The following RNF130 variants were observed in gnomAD, a reference collection of about 807,000 sequenced individuals.
RNF130 encodes the protein ring finger protein 130, also known as E3 ubiquitin-protein ligase RNF130.
Under a neutral mutation model 44.6 loss-of-function variants are expected in RNF130, and 21 were observed. The ratio of observed to expected loss-of-function variants is 0.47; its 90% CI spans 0.33 to 0.68. RNF130 has a LOEUF of 0.68. Ranked by LOEUF, RNF130 falls within the 30% of genes least tolerant of loss-of-function variation. The pLI is 0.02. For missense variants in RNF130, 479 were observed against 560.6 expected (o/e 0.85, Z 1.47); for synonymous variants, 214 against 210.4 (o/e 1.02, Z -0.15).
chr5:180,052,376 C>T (rs969233928), intron 1 of RNF130, among the ~76,000 whole-genome samples: 5 of 152,122 alleles, frequency 3.3e-5, no homozygotes, highest in South Asian at 2.1e-4. Context: ...ACACAAAGGA[C>T]GAAAATTCCT....
At chr5:179,928,026 C>T (rs995800524) in intron 7 of RNF130, among the ~76,000 whole-genome samples, 2 of 152,200 alleles carry the variant, frequency 1.3e-5, no homozygotes, top group Non-Finnish European at 2.9e-5. Context: ...GCAACAGTTC[C>T]TTCCTTTTCA....
At chr5:179,960,566 A>T (rs1762303908) in intron 8 of RNF130, among the ~76,000 whole-genome samples, 1 of 152,202 alleles carries the variant, frequency 6.6e-6, no homozygotes, top group African/African-American at 2.4e-5. Flanking sequence ...AGGGGGCCCT[A>T]GACCACCTGG....
At chr5:179,978,738 T>C (rs1415745496) in intron 4 of RNF130, among the ~76,000 whole-genome samples, 1 of 152,188 alleles carries the variant, frequency 6.6e-6, no homozygotes, top group African/African-American at 2.4e-5. Context: ...AGCAGACTGC[T>C]GTCTAGAAAC....
At chr5:179,922,335 CAG>C (rs1048470483) in intron 7 of RNF130, among the ~76,000 whole-genome samples, 4 of 151,886 alleles carry the variant, frequency 2.6e-5, no homozygotes, top group Admixed American at 2.0e-4. Context: ...TTTTTTGAGA[CAG>C]AGTCTTGCCC....
intron 8 of RNF130, among the ~76,000 whole-genome samples, chr5:179,959,700 TATAA>T (rs897934994): frequency 6.6e-6 from 1 of 152,172 alleles, no homozygotes; most frequent in Non-Finnish European, 1.5e-5. Context: ...ATTCTTTTTG[TATAA>T]ATAAAGGAGT....
intron 1 of RNF130, among the ~76,000 whole-genome samples, chr5:180,066,736 C>CT: frequency 6.6e-6 from 1 of 152,012 alleles, no homozygotes; most frequent in East Asian, 1.9e-4. Context: ...ACTAGGGAGG[C>CT]TGAGGCAGGA....
At chr5:179,922,550 C>T (rs1761649719) in intron 7 of RNF130, among the ~76,000 whole-genome samples, 1 of 151,550 alleles carries the variant, frequency 6.6e-6, no homozygotes, top group South Asian at 2.1e-4. Flanking sequence ...TGAGCTCAAG[C>T]GATCTGCATC....
intron 6 of RNF130, among the ~76,000 whole-genome samples, chr5:179,969,203 G>C (rs1762527593): frequency 6.6e-6 from 1 of 152,000 alleles, no homozygotes; most frequent in Admixed American, 6.6e-5. Context: ...CTTCTCTTAA[G>C]CAAGGGCTAA....
At chr5:180,050,477 G>A (rs568669469) in intron 1 of RNF130, among the ~76,000 whole-genome samples, 3 of 152,254 alleles carry the variant, frequency 2.0e-5, no homozygotes, top group South Asian at 2.1e-4. Context: ...CGTTAACCTC[G>A]TCCAAAACCA....
At chr5:180,020,401 T>C (rs1714861866) in intron 2 of RNF130, among the ~76,000 whole-genome samples, 1 of 152,182 alleles carries the variant, frequency 6.6e-6, no homozygotes, top group African/African-American at 2.4e-5. Context: ...GTGGACGTGC[T>C]GTACGCCACC....
intron 3 of RNF130, among the ~76,000 whole-genome samples, chr5:180,001,033 T>G (rs1278733590): frequency 6.6e-6 from 1 of 152,172 alleles, no homozygotes; most frequent in Non-Finnish European, 1.5e-5. Context: ...TGGACAAAGA[T>G]TTTCGCCTAC....
chr5:179,949,385 A>C (rs1187006928), intron 7 of RNF130, among the ~76,000 whole-genome samples: 2 of 151,794 alleles, frequency 1.3e-5, no homozygotes, highest in East Asian at 3.9e-4. Flanking sequence ...CTGCCTCCTG[A>C]GTAGCTAGGG....
chr5:180,029,155 A>G (rs9329095), intron 2 of RNF130, among the ~76,000 whole-genome samples: 121,432 of 152,138 alleles, frequency 0.8, 48,682 homozygotes, highest in South Asian at 0.93. Context: ...GTACTATATC[A>G]TCCAACTAAA....
chr5:179,980,157 G>T lies in RNF130; in HGVS notation c.737C>A (p.Thr246Lys), dbSNP rs770619045. 6.2e-7 allele frequency: 1 copy of T among 1,614,106 alleles called. No individual in the cohort carries two copies. Among genetic ancestry groups the T allele is most frequent in the South Asian group, 1.1e-5 (1 of 91,074 alleles). Residue 246 changes from threonine to lysine, a missense_variant, in exon 4 of 9, where the codon ACA (threonine) becomes AAA (lysine). Thr to Lys is a moderately conservative substitution (Grantham distance 78). Around this residue, in one of 3 missense-constraint regions of RNF130, gnomAD observed 180 missense variants for 275.1 expected, o/e 0.65. Transcript: ENST00000521389. ...DAAKKAISKL[T>K]TRTVKKGDKE... ...GTCACCCTTCTTTACTGTCCTGGTT[G>T]TCAATTTACTGATGGCTTTCTTGGC...
intron 7 of RNF130, chr5:179,939,522 C>A: frequency 4.0e-6 from 1 of 248,130 alleles, no homozygotes; most frequent in African/African-American, 2.3e-5. Context: ...TCTCCCATTT[C>A]TACCCTTTCT....
chr5:180,034,835 C>T (rs75767476), intron 2 of RNF130, among the ~76,000 whole-genome samples: 6,237 of 152,262 alleles, frequency 0.041, 176 homozygotes, highest in African/African-American at 0.067. Context: ...GGACCCCAGA[C>T]ATAGTTACCA....
At chr5:180,015,488 GTA>G in intron 2 of RNF130, 4 of 298,252 alleles carry the variant, frequency 1.3e-5, no homozygotes, top group African/African-American at 1.1e-4. Flanking sequence ...AGGGAAAGGA[GTA>G]GGAAAGGAGT....
intron 7 of RNF130, chr5:179,933,931 C>T (rs541848113): frequency 3.8e-6 from 2 of 530,470 alleles, no homozygotes; most frequent in East Asian, 4.2e-5. Flanking sequence ...GACTGTTCTG[C>T]CATTTTTTCT....
At chr5:179,931,423 TG>T (rs1304757007) in intron 7 of RNF130, among the ~76,000 whole-genome samples, 1 of 152,218 alleles carries the variant, frequency 6.6e-6, no homozygotes, top group Admixed American at 6.5e-5. Context: ...TTTTGTTTTT[TG>T]TTTTTTTTCT....
Sources: gnomAD v4.1 joint callset for allele counts (sites outside exome capture counted in the v4.1 genomes callset) on GRCh38, gnomAD v4.1.1 for gene constraint, gnomAD v4.1.1 regional missense constraint, MANE v1.5 for transcripts, NCBI Gene and HGNC (gene_info 2026-07-23, HGNC 2026-07-21) for gene names.